FHIT: variants seen among roughly 807,000 people sequenced by gnomAD.
FHIT encodes the protein fragile histidine triad diadenosine triphosphatase.
In FHIT, 19 loss-of-function variants were observed where a neutral mutation model predicts 17.9. That is an observed-to-expected ratio of 1.06 (90% CI 0.74 to 1.56). FHIT has a LOEUF of 1.56. Among genes scored for constraint, FHIT ranks in the 40% most tolerant of loss-of-function variants. The pLI is 0.00. For missense variants in FHIT, 248 were observed against 189.2 expected, an observed-to-expected ratio of 1.31 and a Z score of -1.82; for synonymous variants, 81 against 69.7, an observed-to-expected ratio of 1.16 and a Z score of -0.81.
intron 4 of FHIT, among the ~76,000 whole-genome samples, chr3:60,627,319 A>T (rs1173522943): frequency 6.6e-6 from 1 of 152,180 alleles, no homozygotes; most frequent in Admixed American, 6.5e-5. Context: ...GTTTTTTATT[A>T]TAAAAAATAT....
At chr3:60,324,257 T>C (rs930462379) in intron 5 of FHIT, among the ~76,000 whole-genome samples, 4 of 152,080 alleles carry the variant, frequency 2.6e-5, no homozygotes, top group Non-Finnish European at 5.9e-5. Context: ...CCAGAGTCCC[T>C]GTTTTTAATG....
chr3:59,829,680 G>C (rs1221745085), intron 8 of FHIT, among the ~76,000 whole-genome samples: 1 of 152,156 alleles, frequency 6.6e-6, no homozygotes, highest in Non-Finnish European at 1.5e-5. Context: ...TTCTGGCCAA[G>C]GGACTCTGAA....
intron 7 of FHIT, among the ~76,000 whole-genome samples, chr3:59,986,008 G>A (rs1708882323): frequency 1.3e-5 from 2 of 151,978 alleles, no homozygotes; most frequent in African/African-American, 4.8e-5. Context: ...AGGAATGAGA[G>A]GAAGAAAAAA....
intron 8 of FHIT, among the ~76,000 whole-genome samples, chr3:59,755,218 A>ATGTC (rs780229831): frequency 1.3e-5 from 2 of 152,146 alleles, no homozygotes; most frequent in Non-Finnish European, 2.9e-5. Context: ...TGTCCATGGG[A>ATGTC]TGTCTGGCCT....
At chr3:60,771,691 T>TA (rs1559709816) in intron 4 of FHIT, among the ~76,000 whole-genome samples, 1 of 152,116 alleles carries the variant, frequency 6.6e-6, no homozygotes, top group African/African-American at 2.4e-5. Context: ...ATGCAGTAAT[T>TA]AAAAAAAGAT....
At chr3:61,077,768 T>A (rs1477272600) in intron 2 of FHIT, among the ~76,000 whole-genome samples, 1 of 152,110 alleles carries the variant, frequency 6.6e-6, no homozygotes, top group African/African-American at 2.4e-5. Flanking sequence ...TTTTCTTATC[T>A]CTCTCCACCA....
intron 8 of FHIT, among the ~76,000 whole-genome samples, chr3:59,921,650 T>C (rs1383535878): frequency 3.1e-5 from 3 of 97,882 alleles, no homozygotes; most frequent in African/African-American, 1.3e-4. Context: ...AACAGGTAAA[T>C]TGAAATCACC....
At chr3:60,225,065 G>C (rs981506426) in intron 5 of FHIT, among the ~76,000 whole-genome samples, 22 of 152,056 alleles carry the variant, frequency 1.4e-4, no homozygotes, top group Non-Finnish European at 2.5e-4. Context: ...TGCTTGCTAA[G>C]AAGTCTTCCC....
intron 5 of FHIT, among the ~76,000 whole-genome samples, chr3:60,077,195 C>A (rs1387242458): frequency 6.6e-6 from 1 of 151,936 alleles, no homozygotes; most frequent in Non-Finnish European, 1.5e-5. Flanking sequence ...GGACTTATTA[C>A]AGGATTGAAA....
intron 8 of FHIT, among the ~76,000 whole-genome samples, chr3:59,887,360 G>C (rs1010541503): frequency 3.3e-5 from 5 of 152,158 alleles, no homozygotes; most frequent in African/African-American, 1.2e-4. Flanking sequence ...CACATTTGTG[G>C]TGAGGACTAG....
chr3:60,077,918 G>A (rs1253376528), intron 5 of FHIT, among the ~76,000 whole-genome samples: 1 of 151,968 alleles, frequency 6.6e-6, no homozygotes, highest in Non-Finnish European at 1.5e-5. Flanking sequence ...GCTTTATGTA[G>A]TAACCATCTT....
chr3:59,754,426 A>C (rs545478814), intron 8 of FHIT, among the ~76,000 whole-genome samples: 79 of 152,358 alleles, frequency 5.2e-4, no homozygotes, highest in African/African-American at 1.8e-3. Context: ...CAGGCAAGGC[A>C]AACGGGATTG....
At chr3:60,553,534 G>GAC (rs1559534671) in intron 4 of FHIT, 1 of 157,618 alleles carries the variant, frequency 6.3e-6, no homozygotes, top group African/African-American at 2.6e-5. Context: ...GAGAGAGAGA[G>GAC]GGAGAGAGAG....
intron 8 of FHIT, among the ~76,000 whole-genome samples, chr3:59,756,499 A>ACACT (rs35196912): frequency 0.38 from 57,772 of 151,654 alleles, 12,503 homozygotes; most frequent in African/African-American, 0.58. Context: ...AAAATACAAG[A>ACACT]CACTCAGTGA....
intron 7 of FHIT, among the ~76,000 whole-genome samples, chr3:59,984,785 G>A (rs1708819219): frequency 6.6e-6 from 1 of 152,082 alleles, no homozygotes; most frequent in African/African-American, 2.4e-5. Flanking sequence ...ACAAAACAAA[G>A]ATTATTGTCT....
intron 7 of FHIT, among the ~76,000 whole-genome samples, chr3:59,986,607 G>C (rs1427457207): frequency 1.6e-5 from 1 of 63,606 alleles, no homozygotes; most frequent in African/African-American, 8.1e-5. Flanking sequence ...ATATATATGT[G>C]TACATATATG....
chr3:60,457,034 C>T (rs568366056), intron 5 of FHIT, among the ~76,000 whole-genome samples: 1 of 152,194 alleles, frequency 6.6e-6, no homozygotes, highest in South Asian at 2.1e-4. Flanking sequence ...CAATGCCATC[C>T]CCATCAAGAT....
intron 8 of FHIT, among the ~76,000 whole-genome samples, chr3:59,918,308 A>G (rs1705233197): frequency 6.6e-6 from 1 of 152,168 alleles, no homozygotes; most frequent in Admixed American, 6.5e-5. Context: ...ACTGTAACAC[A>G]TAATTGGGGG....
chr3:60,419,532 T>C (rs1702393874), intron 5 of FHIT, among the ~76,000 whole-genome samples: 1 of 152,196 alleles, frequency 6.6e-6, no homozygotes, highest in Non-Finnish European at 1.5e-5. Context: ...GGCTCCAACA[T>C]GCCCTTGTTT....
Sources: gnomAD v4.1 joint callset for allele counts (sites outside exome capture counted in the v4.1 genomes callset) on GRCh38, gnomAD v4.1.1 for gene constraint, MANE v1.5 for transcripts, NCBI Gene and HGNC (gene_info 2026-07-23, HGNC 2026-07-21) for gene names.